ACYP2: variants seen among roughly 807,000 people sequenced by gnomAD.
ACYP2 encodes the protein acylphosphatase-2.
Under a neutral mutation model 11.2 loss-of-function variants are expected in ACYP2, and 12 were observed. That is an observed-to-expected ratio of 1.08 (90% CI 0.69 to 1.74). The LOEUF (loss-of-function observed/expected upper bound fraction) is 1.74, where lower values mean the gene tolerates loss of function less well. Ranked by LOEUF, ACYP2 falls within the 40% of genes most tolerant of loss-of-function variation. ACYP2 has a pLI of 0.00. For missense variants in ACYP2, 134 were observed against 101.9 expected (o/e 1.31, Z -1.35); for synonymous variants, 43 against 32.2 (o/e 1.33, Z -1.13).
chr2:54,305,238 T>C lies in ACYP2; in HGVS notation c.*436T>C, dbSNP rs551674713. On this transcript the variant is annotated 3_prime_UTR_variant, in exon 7 of 7. Coordinates refer to ENST00000607452, the MANE Select transcript of ACYP2 (RefSeq NM_001320586.2). ...TATTAAACTCTTCAAAAAGAACCAG[T>C]GATTAGAAATAAATGTGATGATCAA... 5.9e-5 allele frequency: 9 copies of C among 152,944 alleles called. No individual in the cohort carries two copies. The highest frequency in any genetic ancestry group is 2.2e-4 in the African/African-American group (9 of 41,582). The allele number at this position is 152,944 out of a possible 1,614,324, so 9.5% of individuals were successfully genotyped here.
intron 6 of ACYP2, among the ~76,000 whole-genome samples, chr2:54,230,463 T>C (rs1326845500): frequency 2.6e-5 from 4 of 152,142 alleles, no homozygotes; most frequent in Non-Finnish European, 5.9e-5. Context: ...TTCAAGCAAT[T>C]CTCCTGCCTC....
chr2:54,169,863 T>C (rs1287958846), intron 6 of ACYP2, among the ~76,000 whole-genome samples: 1 of 152,136 alleles, frequency 6.6e-6, no homozygotes, highest in Non-Finnish European at 1.5e-5. Flanking sequence ...TCAACAATAG[T>C]TTTAGCGATT....
In ACYP2 at chr2:54,293,493, G is replaced by T. The variant is rs149437301; in HGVS notation, c.405-11195G>T. On this transcript the variant is annotated intron_variant, in intron 6 of 6. Coordinates refer to ENST00000607452, the MANE Select transcript of ACYP2 (RefSeq NM_001320586.2). ...GAGGTTGGATGATGCGCCATTTTCC[G>T]CTGCAAGCTGAGAAGCACCTCTGCC... Among the ~76,000 whole-genome samples the T allele has an allele frequency of 9.8e-4, 149 of 152,242 alleles. No homozygotes were observed. In the East Asian group the frequency reaches 0.015, roughly 15 times the overall value.
chr2:54,272,959 G>A (rs565515511), intron 6 of ACYP2, among the ~76,000 whole-genome samples: 1 of 152,330 alleles, frequency 6.6e-6, no homozygotes, highest in Non-Finnish European at 1.5e-5. Context: ...CTTTTCACAA[G>A]AAGATGTTTA....
At chr2:54,101,930 TTTA>T (rs1179876359) in intron 4 of ACYP2, among the ~76,000 whole-genome samples, 1 of 152,204 alleles carries the variant, frequency 6.6e-6, no homozygotes, top group African/African-American at 2.4e-5. Flanking sequence ...ATATTGACAC[TTTA>T]TTAACTAAAG....
intron 6 of ACYP2, among the ~76,000 whole-genome samples, chr2:54,233,917 A>C (rs562435492): frequency 6.6e-6 from 1 of 152,352 alleles, no homozygotes; most frequent in Admixed American, 6.5e-5. Flanking sequence ...TGACAATGTC[A>C]GCCATTTAGT....
intron 6 of ACYP2, among the ~76,000 whole-genome samples, chr2:54,195,650 A>AC (rs1290220373): frequency 3.6e-5 from 5 of 138,728 alleles, no homozygotes; most frequent in Non-Finnish European, 6.4e-5. Flanking sequence ...AAAAAAAAAA[A>AC]ACAAAACACT....
rs1020930617 is a variant in ACYP2 at position 54,036,120 on chromosome 2, G to A, written c.63-14838G>A. Among the ~76,000 whole-genome samples, 5 of 152,050 alleles carry A rather than the reference G, an allele frequency of 3.3e-5. 1 individual carries two copies. The highest frequency in any genetic ancestry group is 7.4e-5 in the Non-Finnish European group (5 of 68,016). Reference sequence around the variant, plus strand: ...TTGTTTGTTTGTTTGTTTGAGGCAGGGTCTTGCTCTGTCACCCAGACTGGA... The same window carrying A: ...TTGTTTGTTTGTTTGTTTGAGGCAGAGTCTTGCTCTGTCACCCAGACTGGA... On this transcript the variant is annotated intron_variant, in intron 2 of 6. Transcript: ENST00000607452.
At chr2:54,036,203 TCCTG>T (rs1674892342) in intron 2 of ACYP2, among the ~76,000 whole-genome samples, 1 of 152,220 alleles carries the variant, frequency 6.6e-6, no homozygotes, top group Non-Finnish European at 1.5e-5. Flanking sequence ...CAAGCGATTC[TCCTG>T]CCTCAGCTCC....
At chr2:54,186,388 T>A (rs1683997046) in intron 6 of ACYP2, among the ~76,000 whole-genome samples, 2 of 152,194 alleles carry the variant, frequency 1.3e-5, no homozygotes, top group African/African-American at 4.8e-5. Context: ...ATTAACAGTA[T>A]GTAGATGAAG....
At chr2:54,135,960 C>T (rs1037052254) in intron 5 of ACYP2, among the ~76,000 whole-genome samples, 3 of 152,206 alleles carry the variant, frequency 2.0e-5, no homozygotes, top group Non-Finnish European at 4.4e-5. Flanking sequence ...TACAGTGGTG[C>T]GATCTCAGCT....
chr2:54,034,298 CGGT>C (rs1427184535), intron 2 of ACYP2, among the ~76,000 whole-genome samples: 3 of 152,154 alleles, frequency 2.0e-5, no homozygotes, highest in Admixed American at 6.5e-5. Context: ...GCGGAGGTTG[CGGT>C]GAGCCGGGAT....
At chr2:54,187,422 C>G (rs1684060036) in intron 6 of ACYP2, among the ~76,000 whole-genome samples, 1 of 152,154 alleles carries the variant, frequency 6.6e-6, no homozygotes, top group South Asian at 2.1e-4. Context: ...AGGGAGATGT[C>G]TACGTGGATG....
chr2:54,066,098 A>C (rs1676733608), intron 4 of ACYP2: 2 of 152,196 alleles, frequency 1.3e-5, no homozygotes, highest in Admixed American at 6.5e-5. Flanking sequence ...TCACTCTGAT[A>C]TGGTTTGACT....
chr2:54,108,199 A>C (rs930160702), intron 4 of ACYP2, among the ~76,000 whole-genome samples: 16 of 152,160 alleles, frequency 1.1e-4, no homozygotes, highest in Non-Finnish European at 1.8e-4. Flanking sequence ...CCACATCTAC[A>C]ATTTTAATTC....
intron 4 of ACYP2, 55 bp downstream of exon 1, chr2:54,115,811 A>G (rs1166274147): frequency 1.3e-6 from 2 of 1,490,358 alleles, no homozygotes; most frequent in Non-Finnish European, 1.8e-6. Flanking sequence ...GAAGGGGAGA[A>G]AGCTGTGAGA....
chr2:54,250,627 A>C (rs1179488813), intron 6 of ACYP2, among the ~76,000 whole-genome samples: 2 of 152,208 alleles, frequency 1.3e-5, no homozygotes, highest in African/African-American at 4.8e-5. Context: ...GCCTAATTAA[A>C]TCTACCTTAT....
At chr2:54,113,109 A>G (rs369105283) in intron 4 of ACYP2, among the ~76,000 whole-genome samples, 1 of 152,190 alleles carries the variant, frequency 6.6e-6, no homozygotes, top group Non-Finnish European at 1.5e-5. Context: ...ATACATACAC[A>G]TATTGTCCTG....
At chr2:54,032,191 A>C (rs1274989905) in intron 2 of ACYP2, among the ~76,000 whole-genome samples, 5 of 152,144 alleles carry the variant, frequency 3.3e-5, no homozygotes, top group Non-Finnish European at 5.9e-5. Flanking sequence ...TTAGTCATGA[A>C]GTCCTTGCCC....
Sources: allele counts gnomAD v4.1 joint callset (sites outside exome capture counted in the v4.1 genomes callset), GRCh38; gene constraint gnomAD v4.1.1; transcripts MANE v1.5; gene names NCBI Gene and HGNC (gene_info 2026-07-23, HGNC 2026-07-21).